BFSP2: variants seen among roughly 807,000 people sequenced by gnomAD.
The protein encoded by BFSP2 is beaded filament structural protein 2.
In BFSP2, 38 loss-of-function variants were observed where a neutral mutation model predicts 44.9. The ratio of observed to expected loss-of-function variants is 0.85; its 90% CI spans 0.65 to 1.11. The LOEUF is 1.11. Among genes scored for constraint, BFSP2 ranks in the 50% least tolerant of loss-of-function variants. The probability of loss-of-function intolerance (pLI) is 0.00; values close to 1 mark genes in which losing one functional copy is unlikely to be tolerated. For missense variants in BFSP2, 525 were observed against 533.0 expected, an observed-to-expected ratio of 0.99 and a Z score of 0.15; for synonymous variants, 197 against 209.9, an observed-to-expected ratio of 0.94 and a Z score of 0.53.
At chr3:133,439,392 G>T (rs1938198731) in intron 1 of BFSP2, among the ~76,000 whole-genome samples, 1 of 152,230 alleles carries the variant, frequency 6.6e-6, no homozygotes, top group African/African-American at 2.4e-5. Flanking sequence ...TATGTGCCAG[G>T]CACTGAACTG....
At chr3:133,447,649 C>A (rs1384612946) in intron 2 of BFSP2, among the ~76,000 whole-genome samples, 1 of 152,100 alleles carries the variant, frequency 6.6e-6, no homozygotes, top group Non-Finnish European at 1.5e-5. Context: ...CTCAGAATCA[C>A]CCAGGGGCCA....
At chr3:133,430,896 A>G (rs375928063) in intron 1 of BFSP2, among the ~76,000 whole-genome samples, 1 of 151,330 alleles carries the variant, frequency 6.6e-6, no homozygotes, top group Non-Finnish European at 1.5e-5. Flanking sequence ...CCCTCCTCAC[A>G]CCTGGTCCGG....
At chr3:133,425,741 G>A (rs983934620) in intron 1 of BFSP2, among the ~76,000 whole-genome samples, 49 of 146,754 alleles carry the variant, frequency 3.3e-4, no homozygotes, top group African/African-American at 1.3e-3. Flanking sequence ...TAGCCCAGTT[G>A]AAATCTAAGC....
In BFSP2 at chr3:133,413,149, T is replaced by A. The variant is rs113440699; in HGVS notation, c.489+12577T>A. On this transcript the variant is annotated intron_variant, in intron 1 of 6. Coordinates refer to ENST00000302334, the MANE Select transcript of BFSP2 (RefSeq NM_003571.4). ...CTTTGGGGTATATACTCTTTGACAC[T>A]GTTTGGAGGTTTTACCTTAAATAAA... Among the ~76,000 whole-genome samples the A allele has an allele frequency of 8.2e-3, 1,244 of 152,242 alleles. 18 individuals carry two copies. Among genetic ancestry groups the A allele is most frequent in the African/African-American group, 0.029 (1,196 of 41,538 alleles).
At position 133,434,110 on chromosome 3, in the gene BFSP2, G is replaced by A. The variant is rs987901575; in HGVS notation, c.490-13207G>A. 2.6e-5 allele frequency among the ~76,000 whole-genome samples: 4 copies of A among 152,098 alleles called. No individual in the cohort carries two copies. In the South Asian group the frequency reaches 6.2e-4, roughly 24 times the overall value. On this transcript the variant is annotated intron_variant, in intron 1 of 6. Coordinates refer to ENST00000302334, the MANE Select transcript of BFSP2 (RefSeq NM_003571.4). Reference sequence around the variant, plus strand: ...TATCTCTTGGTGCTATTCCCAAACCGCCACTCTAAACTCTTGAAGTAAATA... The same window carrying A: ...TATCTCTTGGTGCTATTCCCAAACCACCACTCTAAACTCTTGAAGTAAATA...
chr3:133,472,118 T>C (rs556126427), intron 5 of BFSP2, among the ~76,000 whole-genome samples: 2 of 151,766 alleles, frequency 1.3e-5, no homozygotes, highest in South Asian at 4.2e-4. Context: ...CTCTCTCCCA[T>C]CAAAAAGATC....
chr3:133,458,770 G>A (rs1424763556), intron 4 of BFSP2, among the ~76,000 whole-genome samples: 4 of 152,236 alleles, frequency 2.6e-5, no homozygotes, highest in African/African-American at 4.8e-5. Flanking sequence ...CTTATGTTGT[G>A]TGTTTAAACT....
intron 5 of BFSP2, 44 bp from the exon 6 acceptor site, chr3:133,472,301 C>T (rs1377560372): frequency 6.4e-7 from 1 of 1,572,862 alleles, no homozygotes. Context: ...TTCAAGGGCC[C>T]GGCCTGTTGT....
In BFSP2 at chr3:133,400,349, G is replaced by A. The variant is rs1020694617; in HGVS notation, c.266G>A (p.Arg89Gln). 5 of 1,613,946 alleles carry A rather than the reference G, an allele frequency of 3.1e-6. No homozygotes were observed. Among genetic ancestry groups the A allele is most frequent in the East Asian group, 2.2e-5 (1 of 44,904 alleles). ...GISSVFLQGL[R>Q]SSGLATVPAP... ...AGCAGTGTCTTCCTTCAGGGCCTGCGGAGCTCAGGCCTGGCCACCGTGCCG... is the reference window on the plus strand; with the variant it reads ...AGCAGTGTCTTCCTTCAGGGCCTGCAGAGCTCAGGCCTGGCCACCGTGCCG... Residue 89 changes from arginine (R) to glutamine (Q), a missense_variant, in exon 1 of 7, where the codon CGG becomes CAG. By Grantham distance (43) the Arg-to-Gln change is conservative. Coordinates refer to ENST00000302334, the MANE Select transcript of BFSP2 (RefSeq NM_003571.4). This position sits in a 1 kb window ranked among gnomAD's most constrained non-coding sequence, Gnocchi z 4.0.
intron 1 of BFSP2, among the ~76,000 whole-genome samples, chr3:133,411,698 C>T (rs188550186): frequency 2.4e-3 from 299 of 125,250 alleles, no homozygotes; most frequent in African/African-American, 8.6e-3. Flanking sequence ...GAAGGGTGGA[C>T]TTTTTAATAA....
chr3:133,464,347 G>A (rs1344297740), intron 4 of BFSP2, among the ~76,000 whole-genome samples: 1 of 152,152 alleles, frequency 6.6e-6, no homozygotes, highest in Admixed American at 6.5e-5. Flanking sequence ...TCTCTCACTG[G>A]CCATATAATC....
At chr3:133,437,677 A>G (rs2107912469) in intron 1 of BFSP2, among the ~76,000 whole-genome samples, 1 of 152,304 alleles carries the variant, frequency 6.6e-6, no homozygotes, top group South Asian at 2.1e-4. Flanking sequence ...AGAAAGAAAA[A>G]GAAAGAAAAA....
At chr3:133,447,524 G>T in intron 2 of BFSP2, 125 bp downstream of exon 2, 2 of 1,000,554 alleles carry the variant, frequency 2.0e-6, no homozygotes, top group Non-Finnish European at 3.0e-6. Flanking sequence ...CAGGATAACA[G>T]AGCCATGATT....
In BFSP2 at chr3:133,447,298, G is replaced by T. The variant is rs1386470579; in HGVS notation, c.490-19G>T. 5 of 1,613,570 alleles carry T rather than the reference G, an allele frequency of 3.1e-6. No individual in the cohort carries two copies. The highest frequency in any genetic ancestry group is 2.7e-5 in the African/African-American group (2 of 74,982). On this transcript the variant is annotated intron_variant, in intron 1 of 6. Transcript: ENST00000302334. ...GCTCCCAGTGACCTTGTCTCCTTTGGTGTGTGTGATCGCTCTAGGTGGGTG... is the reference window on the plus strand; with the variant it reads ...GCTCCCAGTGACCTTGTCTCCTTTGTTGTGTGTGATCGCTCTAGGTGGGTG...
chr3:133,402,887 C>T (rs944649467), intron 1 of BFSP2, among the ~76,000 whole-genome samples: 2 of 152,116 alleles, frequency 1.3e-5, no homozygotes, highest in African/African-American at 4.8e-5. Flanking sequence ...AGGTGATCCA[C>T]CCGCCTCTGC....
chr3:133,423,478 G>A (rs55635624), intron 1 of BFSP2, among the ~76,000 whole-genome samples: 29,774 of 149,294 alleles, frequency 0.2, 4,586 homozygotes, highest in African/African-American at 0.44. Flanking sequence ...AATAATAACC[G>A]CATGGACTAC....
intron 4 of BFSP2, among the ~76,000 whole-genome samples, chr3:133,465,711 T>G (rs2107939653): frequency 6.6e-6 from 1 of 152,298 alleles, no homozygotes; most frequent in East Asian, 1.9e-4. Context: ...AACTCCTGGT[T>G]TGAGGGCGGT....
intron 4 of BFSP2, among the ~76,000 whole-genome samples, chr3:133,460,228 AT>A (rs777869828): frequency 1.6e-4 from 25 of 152,158 alleles, no homozygotes; most frequent in Non-Finnish European, 3.2e-4. Flanking sequence ...CCAACATGAG[AT>A]AGGTATTGCG....
chr3:133,472,230 G>C, intron 5 of BFSP2, 115 bp from the exon 6 acceptor site: 2 of 1,205,712 alleles, frequency 1.7e-6, no homozygotes, highest in Non-Finnish European at 2.4e-6. Context: ...CAAGGTCCCT[G>C]CCACGAGGGG....
Sources: gnomAD v4.1 joint callset for allele counts (sites outside exome capture counted in the v4.1 genomes callset) on GRCh38, gnomAD v4.1.1 for gene constraint, Gnocchi (gnomAD v3.1) non-coding constraint, MANE v1.5 for transcripts, NCBI Gene and HGNC (gene_info 2026-07-23, HGNC 2026-07-21) for gene names.